The following GABRB3 variants were observed in gnomAD, a reference collection of about 807,000 sequenced individuals.
GABRB3 encodes gamma-aminobutyric acid receptor subunit beta-3.
GABRB3 carries 14 observed loss-of-function variants against 52.1 expected under a neutral mutation model. The ratio of observed to expected loss-of-function variants is 0.27; its 90% CI spans 0.18 to 0.42. GABRB3 has a LOEUF of 0.42. GABRB3 is among the 10% of genes least tolerant of loss of function. The probability of loss-of-function intolerance (pLI) is 1.00; values close to 1 mark genes in which losing one functional copy is unlikely to be tolerated. For synonymous variants in GABRB3, 260 were observed against 232.3 expected, an observed-to-expected ratio of 1.12 and a Z score of -1.08; for missense variants, 307 against 609.1, an observed-to-expected ratio of 0.50 and a Z score of 5.22.
chr15:26,742,201 G>A (rs962617487), intron 3 of GABRB3, among the ~76,000 whole-genome samples: 1 of 152,128 alleles, frequency 6.6e-6, no homozygotes, highest in Non-Finnish European at 1.5e-5. Context: ...CACTATCCAT[G>A]TATCTCTTAG....
intron 3 of GABRB3, among the ~76,000 whole-genome samples, chr15:26,727,411 T>A (rs917199127): frequency 2.4e-4 from 37 of 152,204 alleles, no homozygotes; most frequent in African/African-American, 8.9e-4. Flanking sequence ...TACAAAATGA[T>A]GTCATTATTT....
At chr15:26,602,753 T>C (rs956170899) in intron 4 of GABRB3, among the ~76,000 whole-genome samples, 13 of 152,006 alleles carry the variant, frequency 8.6e-5, no homozygotes, top group African/African-American at 2.9e-4. Context: ...CTATGGTATA[T>C]AGCAAAAGCA....
chr15:26,763,492 G>C (rs924119058), intron 3 of GABRB3, among the ~76,000 whole-genome samples: 5 of 151,976 alleles, frequency 3.3e-5, no homozygotes, highest in Admixed American at 2.0e-4. Flanking sequence ...CTGATATATG[G>C]ATTTATCTCT....
intron 3 of GABRB3, among the ~76,000 whole-genome samples, chr15:26,693,943 A>G (rs566550970): frequency 6.6e-6 from 1 of 152,242 alleles, no homozygotes; most frequent in South Asian, 2.1e-4. Context: ...TTCCAGCAGG[A>G]AGAGAGGAAA....
At chr15:26,696,830 C>T (rs1888755149) in intron 3 of GABRB3, among the ~76,000 whole-genome samples, 1 of 152,130 alleles carries the variant, frequency 6.6e-6, no homozygotes, top group African/African-American at 2.4e-5. Context: ...CAAAGTGCTC[C>T]CACAAAAAAC....
At chr15:26,636,089 T>C (rs902295758) in intron 3 of GABRB3, among the ~76,000 whole-genome samples, 9 of 152,194 alleles carry the variant, frequency 5.9e-5, no homozygotes, top group Non-Finnish European at 1.3e-4. Context: ...AAAGCCCAGG[T>C]AGCCAGACAG....
At chr15:26,726,942 T>C (rs1889789679) in intron 3 of GABRB3, among the ~76,000 whole-genome samples, 1 of 152,180 alleles carries the variant, frequency 6.6e-6, no homozygotes, top group African/African-American at 2.4e-5. Flanking sequence ...AGGCGGATCA[T>C]GAGGTCAGGA....
At chr15:26,629,131 A>C (rs941836192) in intron 3 of GABRB3, 1 of 1,522,552 alleles carries the variant, frequency 6.6e-7, no homozygotes, top group Non-Finnish European at 8.8e-7. Context: ...GGAGAGGCTG[A>C]AGCTCGGGGA....
chr15:26,744,997 G>A (rs911816264), intron 3 of GABRB3, among the ~76,000 whole-genome samples: 4 of 152,080 alleles, frequency 2.6e-5, no homozygotes, highest in Admixed American at 6.6e-5. Flanking sequence ...GAGAGGCCTC[G>A]GGGAACTTTT....
At chr15:26,685,418 T>G (rs927910763) in intron 3 of GABRB3, among the ~76,000 whole-genome samples, 4 of 152,104 alleles carry the variant, frequency 2.6e-5, no homozygotes, top group African/African-American at 9.7e-5. Flanking sequence ...AAAGATAGGA[T>G]CCAACTCTAT....
intron 4 of GABRB3, among the ~76,000 whole-genome samples, chr15:26,598,432 G>T (rs1394848390): frequency 9.2e-5 from 14 of 152,060 alleles, no homozygotes; most frequent in Non-Finnish European, 2.1e-4. Flanking sequence ...ACCCCACAGA[G>T]AAAGATCAAA....
intron 3 of GABRB3, among the ~76,000 whole-genome samples, chr15:26,734,694 T>G (rs1192394090): frequency 6.7e-6 from 1 of 149,120 alleles, no homozygotes; most frequent in Non-Finnish European, 1.5e-5. Flanking sequence ...TCCCAACACT[T>G]TGGGAAGCCA....
At chr15:26,615,902 T>C (rs1162575744) in intron 4 of GABRB3, 36 of 1,275,156 alleles carry the variant, frequency 2.8e-5, no homozygotes, top group Non-Finnish European at 3.6e-5. Context: ...ACATAATCAG[T>C]AGGAAAGCAA....
chr15:26,740,069 G>A (rs2140159334), intron 3 of GABRB3, among the ~76,000 whole-genome samples: 1 of 152,242 alleles, frequency 6.6e-6, no homozygotes, highest in East Asian at 1.9e-4. Context: ...AAGCCAGTGT[G>A]GGTATCATCA....
chr15:26,727,910 A>C (rs552796490), intron 3 of GABRB3, among the ~76,000 whole-genome samples: 15 of 152,290 alleles, frequency 9.8e-5, no homozygotes, highest in African/African-American at 3.4e-4. Context: ...ATTTACTCAC[A>C]TCTAGAATAC....
intron 8 of GABRB3, among the ~76,000 whole-genome samples, 157 bp downstream of exon 8, chr15:26,560,775 C>G (rs1476509632): frequency 6.6e-6 from 1 of 152,132 alleles, no homozygotes; most frequent in African/African-American, 2.4e-5. Flanking sequence ...ATAAAAAACA[C>G]CTGGGTGCCA....
At position 26,672,339 on chromosome 15, in the gene GABRB3, A is replaced by T. The variant is rs1252309138; in HGVS notation, c.241-50805T>A. ...GACTGTTATCACAAGAGAGCAGAGA[A>T]GTCAGCGCCACACCCAGACATCGTC... is the stretch of plus-strand genomic sequence containing the variant. On this transcript the variant is annotated intron_variant, in intron 3 of 8. Coordinates refer to ENST00000311550, the MANE Select transcript of GABRB3 (RefSeq NM_000814.6). Among the ~76,000 whole-genome samples the T allele has an allele frequency of 3.9e-5, 6 of 152,190 alleles. No individual in the cohort carries two copies. In the East Asian group the frequency reaches 1.2e-3, roughly 29 times the overall value.
chr15:26,718,948 G>A (rs1449474026), intron 3 of GABRB3, among the ~76,000 whole-genome samples: 3 of 152,138 alleles, frequency 2.0e-5, no homozygotes, highest in Non-Finnish European at 4.4e-5. Context: ...TCACCCTCTG[G>A]TGTCCTGGAC....
At chr15:26,725,508 A>G (rs1889747897) in intron 3 of GABRB3, among the ~76,000 whole-genome samples, 1 of 152,234 alleles carries the variant, frequency 6.6e-6, no homozygotes, top group Admixed American at 6.5e-5. Context: ...TTGACCTCAT[A>G]GTAAGTAGCT....
Sources: gnomAD v4.1 joint callset for allele counts (sites outside exome capture counted in the v4.1 genomes callset) on GRCh38, gnomAD v4.1.1 for gene constraint, MANE v1.5 for transcripts, NCBI Gene and HGNC (gene_info 2026-07-23, HGNC 2026-07-21) for gene names.